The following CCNB3 variants were observed in gnomAD, a reference collection of about 807,000 sequenced individuals.
The protein encoded by CCNB3 is G2/mitotic-specific cyclin-B3.
A neutral mutation model predicts 68.0 loss-of-function variants in CCNB3; 12 were observed. That is an observed-to-expected ratio of 0.18 (90% CI 0.11 to 0.29). The LOEUF (loss-of-function observed/expected upper bound fraction) is 0.29, where lower values mean the gene tolerates loss of function less well. Ranked by LOEUF, CCNB3 falls within the 10% of genes least tolerant of loss-of-function variation. The pLI is 1.00. For missense variants in CCNB3, 904 were observed against 993.1 expected, an observed-to-expected ratio of 0.91 and a Z score of 1.21; for synonymous variants, 354 against 388.9, an observed-to-expected ratio of 0.91 and a Z score of 1.06.
At chrX:50,279,910 TA>T (rs1936080921) in intron 1 of CCNB3, among the ~76,000 whole-genome samples, 3 of 86,821 alleles carry the variant, frequency 3.5e-5, no homozygotes, top group South Asian at 1.0e-3. Context: ...TGTATATATA[TA>T]AAAATATATA....
intron 8 of CCNB3, among the ~76,000 whole-genome samples, chrX:50,323,431 G>T (rs59541109): frequency 2.0e-5 from 2 of 98,794 alleles, no homozygotes; most frequent in African/African-American, 7.3e-5. Context: ...GTAGGGGGAG[G>T]GGGGAGGGAT....
chrX:50,342,544 A>G (rs1923192991), intron 9 of CCNB3, among the ~76,000 whole-genome samples: 1 of 110,248 alleles, frequency 9.1e-6, no homozygotes, highest in African/African-American at 3.3e-5. Flanking sequence ...CTTTTGTAAC[A>G]TTGTAATGTT....
At chrX:50,227,947 T>G (rs1935937371) in intron 1 of CCNB3, among the ~76,000 whole-genome samples, 1 of 81,910 alleles carries the variant, frequency 1.2e-5, no homozygotes, top group African/African-American at 4.7e-5. Context: ...TATAAATATA[T>G]AGAGAGAATA....
chrX:50,284,149 A>G (rs1417429998), intron 1 of CCNB3, among the ~76,000 whole-genome samples: 1 of 111,064 alleles, frequency 9.0e-6, no homozygotes, highest in African/African-American at 3.3e-5. Flanking sequence ...TCAACTGCTT[A>G]CTTTTCAACT....
At chrX:50,226,621 A>G (rs1479074996) in intron 1 of CCNB3, among the ~76,000 whole-genome samples, 1 of 59,773 alleles carries the variant, frequency 1.7e-5, no homozygotes, top group Non-Finnish European at 3.0e-5. Context: ...AAATATATAT[A>G]TAGAATATAT....
intron 12 of CCNB3, 77 bp from the exon 13 acceptor site, chrX:50,351,530 G>A: frequency 9.5e-7 from 1 of 1,048,654 alleles, no homozygotes; most frequent in Non-Finnish European, 1.3e-6. Flanking sequence ...ACTAAGGGCT[G>A]TATGTCCCAC....
At position 50,226,439 on chromosome X, in the gene CCNB3, A is replaced by G. The variant is rs1271739554; in HGVS notation, c.-113+21489A>G. 2.0e-3 allele frequency among the ~76,000 whole-genome samples: 147 copies of G among 72,989 alleles called. 2 individuals are homozygous for G. The highest frequency in any genetic ancestry group is 7.9e-3 in the African/African-American group (138 of 17,478). The allele number at this position is 72,989 out of a possible 115,157, so 63.4% of individuals were successfully genotyped here. A position where few individuals can be genotyped will look rare whatever the true frequency, so the allele number is the denominator to read the frequency against. On this transcript the variant is annotated intron_variant, in intron 1 of 12. Transcript: ENST00000376042. ...ATATATATGTAGAATATATAAAAAT[A>G]TATATAGAATATATATAAATATATA...
chrX:50,291,266 G>A (rs782196567), intron 4 of CCNB3, among the ~76,000 whole-genome samples: 13 of 111,537 alleles, frequency 1.2e-4, no homozygotes, highest in Non-Finnish European at 1.5e-4. Context: ...ATGGTTTTGC[G>A]TAAGTAGGAC....
At chrX:50,227,538 A>G (rs1211350410) in intron 1 of CCNB3, among the ~76,000 whole-genome samples, 1 of 68,855 alleles carries the variant, frequency 1.5e-5, no homozygotes, top group Non-Finnish European at 2.7e-5. Flanking sequence ...GAATATATAT[A>G]AATATATAGA....
In CCNB3 at chrX:50,308,767, A is replaced by G; in HGVS notation, c.598A>G (p.Ser200Gly). 2 of 1,211,621 alleles carry G rather than the reference A, an allele frequency of 1.7e-6. No homozygotes were observed. Among genetic ancestry groups the G allele is most frequent in the Non-Finnish European group, 2.2e-6 (2 of 895,389 alleles). Residue 200 changes from serine to glycine, a missense_variant, in exon 6 of 13, where the codon AGT becomes GGT. Coordinates refer to ENST00000376042, the MANE Select transcript of CCNB3 (RefSeq NM_033031.3). ...AAAGCTACAGCCCCTGCAGGAGGAGAGTGACAGTGATGATGCGTTTGTTAT... is the reference window on the plus strand; with the variant it reads ...AAAGCTACAGCCCCTGCAGGAGGAGGGTGACAGTGATGATGCGTTTGTTAT... ...LEKLQPLQEE[S>G]DSDDAFVIEP...
rs782577694 is a variant in CCNB3, at chrX:50,351,774, C to T, written c.*71C>T. The T allele has an allele frequency of 1.9e-4, 141 of 744,933 alleles. No individual in the cohort carries two copies. Among genetic ancestry groups the T allele is most frequent in the South Asian group, 3.9e-4 (11 of 28,107 alleles). 61.4% of individuals were successfully genotyped at this position (744,933 alleles called of 1,213,427 possible). A position where few individuals can be genotyped will look rare whatever the true frequency, so the allele number is the denominator to read the frequency against. ...TCTATGTTCGAATTTGTCTTTTGAT[C>T]GCTTTTATTCATTTTTCCTTTCTTT... On this transcript the variant is annotated 3_prime_UTR_variant, in exon 13 of 13. Coordinates refer to ENST00000376042, the MANE Select transcript of CCNB3 (RefSeq NM_033031.3).
intron 1 of CCNB3, among the ~76,000 whole-genome samples, chrX:50,205,388 C>T (rs1557205326): frequency 9.0e-6 from 1 of 111,692 alleles, no homozygotes; most frequent in Non-Finnish European, 1.9e-5. Flanking sequence ...TTGCAGTGAG[C>T]CAAGATGGTG....
intron 1 of CCNB3, among the ~76,000 whole-genome samples, chrX:50,279,153 T>C (rs1936017087): frequency 3.3e-5 from 1 of 30,071 alleles, no homozygotes; most frequent in Non-Finnish European, 5.2e-5. Context: ...ATATATAGAA[T>C]ATATATATTC....
intron 11 of CCNB3, among the ~76,000 whole-genome samples, chrX:50,350,248 T>TACACAC (rs35500925): frequency 0.019 from 1,762 of 95,208 alleles, 20 homozygotes; most frequent in Middle Eastern, 0.037. Flanking sequence ...CATACACAAA[T>TACACAC]ACACACACAC....
At chrX:50,287,393 C>T (rs184945795) in intron 3 of CCNB3, among the ~76,000 whole-genome samples, 3 of 111,702 alleles carry the variant, frequency 2.7e-5, no homozygotes, top group Non-Finnish European at 5.6e-5. Context: ...ATCTGGATTA[C>T]TAAACTTTGT....
chrX:50,337,108 A>G (rs782273456), intron 8 of CCNB3, among the ~76,000 whole-genome samples: 1 of 110,640 alleles, frequency 9.0e-6, no homozygotes, highest in Admixed American at 9.6e-5. Flanking sequence ...CTGTTCTCTC[A>G]CGGGCATTTG....
intron 4 of CCNB3, among the ~76,000 whole-genome samples, chrX:50,291,619 G>A (rs1217742390): frequency 8.9e-6 from 1 of 111,884 alleles, no homozygotes; most frequent in South Asian, 3.8e-4. Flanking sequence ...TACAAGTAAA[G>A]GTCCCCTGGA....
chrX:50,305,237 A>G (rs1557213328), intron 5 of CCNB3, among the ~76,000 whole-genome samples: 1 of 112,110 alleles, frequency 8.9e-6, no homozygotes, highest in Non-Finnish European at 1.9e-5. Context: ...TCACAATAGC[A>G]AAGACTTGGA....
rs191266191 is a variant in CCNB3 at position 50,308,312 on chromosome X, C to A, written c.336-193C>A. Among the ~76,000 whole-genome samples, 187 of 111,875 alleles carry A rather than the reference C, an allele frequency of 1.7e-3. 1 individual carries two copies. The highest frequency in any genetic ancestry group is 5.7e-3 in the African/African-American group (177 of 30,826). ...TTATAGAAAAGTGTAGGTATCTAGG[C>A]CATAGAAACTATACAGTGTACTACT... On this transcript the variant is annotated intron_variant, in intron 5 of 12. Coordinates refer to ENST00000376042, the MANE Select transcript of CCNB3 (RefSeq NM_033031.3).
Sources: gnomAD v4.1 joint callset for allele counts (sites outside exome capture counted in the v4.1 genomes callset) on GRCh38, gnomAD v4.1.1 for gene constraint, MANE v1.5 for transcripts, NCBI Gene and HGNC (gene_info 2026-07-23, HGNC 2026-07-21) for gene names.